Variants in KIAA1958 observed in about 807,000 individuals in gnomAD.
KIAA1958 encodes KIAA1958, also known as uncharacterized protein KIAA1958.
In KIAA1958, 14 loss-of-function variants were observed where a neutral mutation model predicts 47.2. The ratio of observed to expected loss-of-function variants is 0.30; its 90% CI spans 0.20 to 0.46. The LOEUF (loss-of-function observed/expected upper bound fraction) is 0.46. Ranked by LOEUF, KIAA1958 falls within the 20% of genes least tolerant of loss-of-function variation. The probability of loss-of-function intolerance (pLI) is 1.00; values close to 1 mark genes in which losing one functional copy is unlikely to be tolerated. For missense variants in KIAA1958, 803 were observed against 909.2 expected (o/e 0.88, Z 1.50); for synonymous variants, 354 against 353.3 (o/e 1.00, Z -0.02).
intron 2 of KIAA1958, among the ~76,000 whole-genome samples, chr9:112,616,819 C>G (rs1836414487): frequency 6.6e-6 from 1 of 151,582 alleles, no homozygotes; most frequent in African/African-American, 2.4e-5. Flanking sequence ...TTGAACTTAA[C>G]TATTATTTTA....
intron 2 of KIAA1958, among the ~76,000 whole-genome samples, chr9:112,602,035 G>A (rs1024342024): frequency 1.3e-5 from 2 of 152,072 alleles, no homozygotes; most frequent in Non-Finnish European, 2.9e-5. Context: ...TACAAATCAG[G>A]CTTCAATTAG....
At chr9:112,550,252 A>G (rs1835119002) in intron 1 of KIAA1958, among the ~76,000 whole-genome samples, 1 of 152,228 alleles carries the variant, frequency 6.6e-6, no homozygotes, top group African/African-American at 2.4e-5. Context: ...GCAGACACTA[A>G]TGGTAAAGCA....
At chr9:112,509,644 A>G (rs761558049) in intron 1 of KIAA1958, among the ~76,000 whole-genome samples, 4 of 152,240 alleles carry the variant, frequency 2.6e-5, no homozygotes, top group Non-Finnish European at 4.4e-5. Flanking sequence ...GAAGCCATAC[A>G]TTTATCACCA....
intron 1 of KIAA1958, among the ~76,000 whole-genome samples, chr9:112,528,933 C>T (rs1220611343): frequency 6.6e-6 from 1 of 152,108 alleles, no homozygotes; most frequent in Non-Finnish European, 1.5e-5. Flanking sequence ...ATTTCTTGAC[C>T]AGTATTAGGT....
At chr9:112,631,084 C>A (rs1281241001) in intron 2 of KIAA1958, among the ~76,000 whole-genome samples, 1 of 152,164 alleles carries the variant, frequency 6.6e-6, no homozygotes, top group Admixed American at 6.5e-5. Context: ...TCAATTTATT[C>A]ATATCTTTTT....
intron 1 of KIAA1958, among the ~76,000 whole-genome samples, chr9:112,488,372 A>T (rs1167231412): frequency 6.6e-6 from 1 of 152,202 alleles, no homozygotes; most frequent in South Asian, 2.1e-4. Flanking sequence ...TTTCTTCATG[A>T]ACGGTTGCTG....
At chr9:112,604,017 C>T (rs971024193) in intron 2 of KIAA1958, among the ~76,000 whole-genome samples, 1 of 152,124 alleles carries the variant, frequency 6.6e-6, no homozygotes. Flanking sequence ...TTTCTTATTG[C>T]TTCAAATGTA....
chr9:112,600,601 C>T (rs1056922447), intron 2 of KIAA1958, among the ~76,000 whole-genome samples: 3 of 152,142 alleles, frequency 2.0e-5, no homozygotes, highest in African/African-American at 7.2e-5. Context: ...CTCCTAAAAG[C>T]TGTTTTAGAT....
chr9:112,572,283 C>T (rs556216216), intron 1 of KIAA1958, among the ~76,000 whole-genome samples: 4 of 152,218 alleles, frequency 2.6e-5, no homozygotes, highest in Admixed American at 1.3e-4. Flanking sequence ...CTTATACGTT[C>T]ACTTTGTAAG....
chr9:112,550,404 T>C (rs988626521), intron 1 of KIAA1958, among the ~76,000 whole-genome samples: 1 of 152,194 alleles, frequency 6.6e-6, no homozygotes, highest in African/African-American at 2.4e-5. Flanking sequence ...AAGGGGCATT[T>C]AAAGTGAACC....
intron 1 of KIAA1958, among the ~76,000 whole-genome samples, chr9:112,538,869 C>CA (rs1834896413): frequency 6.6e-6 from 1 of 152,070 alleles, no homozygotes; most frequent in African/African-American, 2.4e-5. Flanking sequence ...TTGATCCTCA[C>CA]AAAAAACTTA....
chr9:112,613,089 A>T (rs1318811365), intron 2 of KIAA1958, among the ~76,000 whole-genome samples: 1 of 152,164 alleles, frequency 6.6e-6, no homozygotes, highest in African/African-American at 2.4e-5. Flanking sequence ...AATTATATAT[A>T]ATCAACTGGT....
intron 2 of KIAA1958, among the ~76,000 whole-genome samples, chr9:112,586,036 TGAAA>T (rs1481556582): frequency 2.0e-5 from 3 of 152,302 alleles, no homozygotes; most frequent in South Asian, 4.1e-4. Flanking sequence ...TACATTCTAA[TGAAA>T]GAAAGACATC....
intron 1 of KIAA1958, among the ~76,000 whole-genome samples, chr9:112,497,004 C>T (rs985944831): frequency 3.3e-5 from 5 of 151,990 alleles, no homozygotes; most frequent in Admixed American, 6.6e-5. Flanking sequence ...TGTTATTGTC[C>T]ACCTATTTTG....
intron 1 of KIAA1958, among the ~76,000 whole-genome samples, chr9:112,541,194 G>A (rs1049200647): frequency 2.2e-4 from 33 of 152,078 alleles, no homozygotes; most frequent in African/African-American, 5.6e-4. Flanking sequence ...GAATGATGAT[G>A]GGAGTAAGCG....
At chr9:112,655,716 C>T (rs906989739) in intron 3 of KIAA1958, among the ~76,000 whole-genome samples, 1 of 152,132 alleles carries the variant, frequency 6.6e-6, no homozygotes, top group Non-Finnish European at 1.5e-5. Flanking sequence ...GGGAGGCATG[C>T]GGGAGTGTTG....
chr9:112,531,041 A>C (rs1274799341), intron 1 of KIAA1958, among the ~76,000 whole-genome samples: 1 of 152,256 alleles, frequency 6.6e-6, no homozygotes, highest in African/African-American at 2.4e-5. Context: ...CAACATAGAA[A>C]ATGCTTAAGA....
intron 2 of KIAA1958, among the ~76,000 whole-genome samples, chr9:112,610,014 G>T (rs956307919): frequency 6.6e-6 from 1 of 152,032 alleles, no homozygotes; most frequent in African/African-American, 2.4e-5. Flanking sequence ...AAAATAGTTG[G>T]AATAATATTT....
In KIAA1958 at chr9:112,659,462, G is replaced by A. The variant is rs774944924; in HGVS notation, c.1544G>A (p.Trp515Ter). 6.2e-7 allele frequency: 1 copy of A among 1,613,962 alleles called. No homozygotes were observed. The highest frequency in any genetic ancestry group is 8.5e-7 in the Non-Finnish European group (1 of 1,179,960). ...ACCAAGAAACTCAAGGAGAAGCTGT[G>A]GGTGCTGAGTAAGGCAGGCATGTCG... The part of the protein sequence containing the change: ...SSTKKLKEKL[W>*]VLSKAGMSGA... Residue 515 changes from tryptophan (W) to a stop codon, truncating the protein, a stop_gained, in exon 4 of 4, where the codon TGG becomes TAG. Coordinates refer to ENST00000337530, the MANE Select transcript of KIAA1958 (RefSeq NM_133465.4). LOFTEE classifies it high-confidence loss of function.
Sources: allele counts gnomAD v4.1 joint callset (sites outside exome capture counted in the v4.1 genomes callset), GRCh38; gene constraint gnomAD v4.1.1; transcripts MANE v1.5; gene names NCBI Gene and HGNC (gene_info 2026-07-23, HGNC 2026-07-21).